The following PPP2R5E variants were observed in gnomAD, a reference collection of about 807,000 sequenced individuals.
The protein encoded by PPP2R5E is serine/threonine-protein phosphatase 2A 56 kDa regulatory subunit epsilon isoform.
PPP2R5E carries 4 observed loss-of-function variants against 65.3 expected under a neutral mutation model. The observed-to-expected ratio is 0.06, with a 90% CI of 0.03 to 0.14. The LOEUF is 0.14. PPP2R5E is among the 10% of genes least tolerant of loss of function. The pLI, the probability that PPP2R5E is intolerant of heterozygous loss-of-function variation, is 1.00. For missense variants in PPP2R5E, 274 were observed against 556.1 expected (o/e 0.49, Z 5.10); for synonymous variants, 183 against 187.4 (o/e 0.98, Z 0.19).
chr14:63,417,489 GAAA>G (rs61229217), intron 4 of PPP2R5E, among the ~76,000 whole-genome samples: 2 of 121,430 alleles, frequency 1.6e-5, no homozygotes, highest in Admixed American at 8.6e-5. Flanking sequence ...TCATGAGGAG[GAAA>G]AAAAAAAAAA....
rs189988570 is a variant in PPP2R5E at position 63,498,478 on chromosome 14, T to C, written c.157+41051A>G. Among the ~76,000 whole-genome samples, 9 of 152,324 alleles carry C rather than the reference T, an allele frequency of 5.9e-5. No individual in the cohort carries two copies. In the East Asian group the frequency reaches 1.5e-3, roughly 26 times the overall value. The stretch of plus-strand genomic sequence containing the variant: ...TGTGTATGAACCTTTGGAATGTTTT[T>C]AAGTGTCTTGGATCTTCATTAATAT... On this transcript the variant is annotated intron_variant, in intron 2 of 13. Transcript: ENST00000337537.
intron 2 of PPP2R5E, among the ~76,000 whole-genome samples, chr14:63,491,576 G>A (rs1056083945): frequency 8.6e-5 from 13 of 152,042 alleles, no homozygotes; most frequent in African/African-American, 1.7e-4. Context: ...GACTGGGCAC[G>A]GTGGCTCATG....
intron 1 of PPP2R5E, among the ~76,000 whole-genome samples, chr14:63,540,687 A>T (rs930731782): frequency 1.3e-4 from 19 of 150,978 alleles, no homozygotes; most frequent in African/African-American, 4.4e-4. Flanking sequence ...ATGCCATTGC[A>T]CTCCAGCCTG....
At position 63,507,545 on chromosome 14, in the gene PPP2R5E, C is replaced by CAG. The variant is rs1449055578; in HGVS notation, c.157+31983_157+31984insCT. ...TTTAAAGTAAAAAAAAAAAACAAGA[C>CAG]TTAAAAATAACTGCAGCAAGGGTAA... On this transcript the variant is annotated intron_variant, in intron 2 of 13. Transcript: ENST00000337537. Among the ~76,000 whole-genome samples, 3 of 147,524 alleles carry CAG rather than the reference C, an allele frequency of 2.0e-5. No individual in the cohort carries two copies. The East Asian group carries it at 5.9e-4, about 29-fold the overall frequency.
chr14:63,424,810 A>G (rs1488121251), intron 3 of PPP2R5E, among the ~76,000 whole-genome samples: 3 of 152,098 alleles, frequency 2.0e-5, no homozygotes, highest in Non-Finnish European at 2.9e-5. Context: ...AATTGGGTAG[A>G]AAAAGAAGAG....
intron 2 of PPP2R5E, among the ~76,000 whole-genome samples, chr14:63,481,406 G>A (rs904415601): frequency 5.3e-5 from 8 of 150,592 alleles, no homozygotes; most frequent in South Asian, 2.1e-4. Flanking sequence ...TGAGGCAGGG[G>A]AATTGCTTGA....
chr14:63,384,377 A>T, intron 12 of PPP2R5E, 67 bp downstream of exon 12: 1 of 1,546,990 alleles, frequency 6.5e-7, no homozygotes, highest in Non-Finnish European at 8.9e-7. Flanking sequence ...CTGGCACATA[A>T]TAAGGCTGAA....
At chr14:63,428,524 A>G (rs768156664) in intron 3 of PPP2R5E, among the ~76,000 whole-genome samples, 15 of 152,202 alleles carry the variant, frequency 9.9e-5, no homozygotes, top group Non-Finnish European at 2.1e-4. Flanking sequence ...CACTAATATT[A>G]AGAACCTCTA....
At chr14:63,379,804 G>A (rs192216188) in intron 13 of PPP2R5E, among the ~76,000 whole-genome samples, 78 of 130,400 alleles carry the variant, frequency 6.0e-4, no homozygotes, top group African/African-American at 2.2e-3. Context: ...GTGGAAATAA[G>A]TTGTTCTTCA....
At chr14:63,407,884 A>G (rs1886179154) in intron 5 of PPP2R5E, among the ~76,000 whole-genome samples, 1 of 152,230 alleles carries the variant, frequency 6.6e-6, no homozygotes, top group Non-Finnish European at 1.5e-5. Flanking sequence ...ACACCCAGTA[A>G]GATGACACTC....
At chr14:63,490,192 T>C (rs954018002) in intron 2 of PPP2R5E, among the ~76,000 whole-genome samples, 2 of 152,070 alleles carry the variant, frequency 1.3e-5, no homozygotes, top group Non-Finnish European at 2.9e-5. Flanking sequence ...TAGTCCTACC[T>C]AGTCAATAAA....
intron 3 of PPP2R5E, among the ~76,000 whole-genome samples, chr14:63,451,120 G>A (rs758746598): frequency 2.6e-5 from 4 of 151,800 alleles, no homozygotes; most frequent in Non-Finnish European, 4.4e-5. Context: ...AAACATACTC[G>A]TTACTTATAA....
chr14:63,487,264 T>A (rs1224711302), intron 2 of PPP2R5E, among the ~76,000 whole-genome samples: 1 of 152,220 alleles, frequency 6.6e-6, no homozygotes, highest in Non-Finnish European at 1.5e-5. Flanking sequence ...AAATAAACAT[T>A]AGCTCAAGTT....
At chr14:63,403,491 G>C (rs1379192292) in intron 5 of PPP2R5E, among the ~76,000 whole-genome samples, 2 of 150,804 alleles carry the variant, frequency 1.3e-5, no homozygotes, top group Non-Finnish European at 2.9e-5. Context: ...GAAGAATCTA[G>C]AAGATATGCT....
intron 3 of PPP2R5E, among the ~76,000 whole-genome samples, chr14:63,422,527 C>T (rs1006290067): frequency 6.6e-6 from 1 of 152,076 alleles, no homozygotes; most frequent in Non-Finnish European, 1.5e-5. Flanking sequence ...GAGATCGAGA[C>T]CATCCTGGCT....
At position 63,372,943 on chromosome 14, in the gene PPP2R5E, A is replaced by T. The variant is rs1039731916; in HGVS notation, c.*3066T>A. ...TTTCTTTTTTTTTCTTTTCTTTTAT[A>T]AAAAACAGTCAAATGTTAGGGAGAG... is the stretch of plus-strand genomic sequence containing the variant. On this transcript the variant is annotated 3_prime_UTR_variant, in exon 14 of 14. Transcript: ENST00000337537. 1.3e-5 allele frequency: 2 copies of T among 152,130 alleles called. No individual in the cohort carries two copies. Among genetic ancestry groups the T allele is most frequent in the African/African-American group, 2.4e-5 (1 of 41,422 alleles). The allele number at this position is 152,130 out of a possible 1,614,324, so 9.4% of individuals were successfully genotyped here. A position where few individuals can be genotyped will look rare whatever the true frequency, so the allele number is the denominator to read the frequency against.
chr14:63,456,732 C>A (rs1057353811), intron 2 of PPP2R5E, among the ~76,000 whole-genome samples: 4 of 152,146 alleles, frequency 2.6e-5, no homozygotes, highest in African/African-American at 9.7e-5. Flanking sequence ...CAATGCAACA[C>A]GAAACACAGT....
intron 12 of PPP2R5E, among the ~76,000 whole-genome samples, chr14:63,383,674 T>A (rs957832442): frequency 6.6e-6 from 1 of 152,254 alleles, no homozygotes; most frequent in Non-Finnish European, 1.5e-5. Flanking sequence ...TACTGAATTG[T>A]ATCTCCCAAT....
At chr14:63,431,104 C>T (rs891827198) in intron 3 of PPP2R5E, among the ~76,000 whole-genome samples, 1 of 152,050 alleles carries the variant, frequency 6.6e-6, no homozygotes, top group Non-Finnish European at 1.5e-5. Context: ...CCCATCTGTA[C>T]TAAAAATACA....
Sources: allele counts gnomAD v4.1 joint callset (sites outside exome capture counted in the v4.1 genomes callset), GRCh38; gene constraint gnomAD v4.1.1; transcripts MANE v1.5; gene names NCBI Gene and HGNC (gene_info 2026-07-23, HGNC 2026-07-21).